The following SHISA9 variants were observed in gnomAD, a reference collection of about 807,000 sequenced individuals.
SHISA9 encodes shisa family member 9.
In SHISA9, 13 loss-of-function variants were observed where a neutral mutation model predicts 38.0. That is an observed-to-expected ratio of 0.34 (90% CI 0.22 to 0.54). The LOEUF is 0.54. Ranked by LOEUF, SHISA9 falls within the 20% of genes least tolerant of loss-of-function variation. The pLI, the probability that SHISA9 is intolerant of heterozygous loss-of-function variation, is 0.91. For missense variants in SHISA9, 538 were observed against 575.8 expected (o/e 0.93, Z 0.67); for synonymous variants, 275 against 242.0 (o/e 1.14, Z -1.27).
intron 1 of SHISA9, among the ~76,000 whole-genome samples, chr16:12,912,647 G>A (rs1445082654): frequency 1.3e-5 from 2 of 152,138 alleles, no homozygotes; most frequent in African/African-American, 2.4e-5. Context: ...TTCTTTCCCT[G>A]TAGCCCCTTT....
chr16:13,486,803 C>T, the SHISA9 span, among the ~76,000 whole-genome samples: 1 of 152,228 alleles, frequency 6.6e-6, no homozygotes, highest in African/African-American at 2.4e-5. Context: ...CTCCCAGGTT[C>T]AAGTGATTCT....
chr16:13,015,585 A>G (rs2072731837), intron 2 of SHISA9, among the ~76,000 whole-genome samples: 1 of 152,304 alleles, frequency 6.6e-6, no homozygotes, highest in South Asian at 2.1e-4. Context: ...GCTTTTGAGC[A>G]TCTGGGGTTG....
chr16:13,014,764 C>A (rs1367778926), intron 2 of SHISA9, among the ~76,000 whole-genome samples: 1 of 152,234 alleles, frequency 6.6e-6, no homozygotes, highest in African/African-American at 2.4e-5. Flanking sequence ...TTCCCCCATA[C>A]AAATGCCTTG....
chr16:13,433,312 C>G, the SHISA9 span, among the ~76,000 whole-genome samples: 4 of 152,188 alleles, frequency 2.6e-5, no homozygotes, highest in Non-Finnish European at 4.4e-5. Flanking sequence ...GTCTGCATCT[C>G]AGTTGCTCGT....
intron 2 of SHISA9, among the ~76,000 whole-genome samples, chr16:12,951,976 T>C (rs2071763755): frequency 6.6e-6 from 1 of 152,246 alleles, no homozygotes. Flanking sequence ...CATTTGAAGA[T>C]GCTACTTGGT....
At chr16:13,460,170 G>C in the SHISA9 span, among the ~76,000 whole-genome samples, 1 of 152,238 alleles carries the variant, frequency 6.6e-6, no homozygotes, top group South Asian at 2.1e-4. Context: ...TGGATTCATG[G>C]CAAATACCAG....
chr16:12,908,675 C>G (rs1340168536), intron 1 of SHISA9: 1 of 1,530,388 alleles, frequency 6.5e-7, no homozygotes, highest in African/African-American at 1.4e-5. Flanking sequence ...TACGCGATGC[C>G]CTGCAAACAA....
At chr16:13,131,904 C>T (rs2050309774) in intron 2 of SHISA9, among the ~76,000 whole-genome samples, 1 of 152,176 alleles carries the variant, frequency 6.6e-6, no homozygotes, top group Non-Finnish European at 1.5e-5. Flanking sequence ...TGGAAATAGA[C>T]GCTGATCCCG....
chr16:13,004,943 G>GAAAAAAAAAAAAAAAAAAA (rs59694628), intron 2 of SHISA9, among the ~76,000 whole-genome samples: 1 of 103,756 alleles, frequency 9.6e-6, no homozygotes, highest in Non-Finnish European at 2.0e-5. Context: ...TTAAGAAAAA[G>GAAAAAAAAAAAAAAAAAAA]AAAAAAAAAA....
At chr16:13,473,875 A>G in the SHISA9 span, among the ~76,000 whole-genome samples, 6 of 152,166 alleles carry the variant, frequency 3.9e-5, no homozygotes, top group African/African-American at 1.4e-4. Flanking sequence ...TTTGGATGCA[A>G]TGCCTGGAGA....
chr16:13,527,713 C>G, the SHISA9 span, among the ~76,000 whole-genome samples: 1 of 152,188 alleles, frequency 6.6e-6, no homozygotes, highest in African/African-American at 2.4e-5. Context: ...CAGATCTGCT[C>G]TTGGGCTCGG....
chr16:13,505,291 G>A, the SHISA9 span, among the ~76,000 whole-genome samples: 126 of 152,260 alleles, frequency 8.3e-4, 1 homozygote, highest in African/African-American at 2.9e-3. Context: ...AGCTTTTTGT[G>A]GCTCTGCCTT....
At chr16:13,095,380 CA>C (rs1181207117) in intron 2 of SHISA9, among the ~76,000 whole-genome samples, 1 of 152,134 alleles carries the variant, frequency 6.6e-6, no homozygotes. Context: ...AGAGGTTGCA[CA>C]TCTTAACAAA....
the SHISA9 span, among the ~76,000 whole-genome samples, chr16:13,399,656 G>T: frequency 6.6e-6 from 1 of 152,014 alleles, no homozygotes; most frequent in South Asian, 2.1e-4. Flanking sequence ...GGAAGCTCCT[G>T]CTTCTTCACC....
chr16:13,277,724 G>T, the SHISA9 span, among the ~76,000 whole-genome samples: 1 of 151,704 alleles, frequency 6.6e-6, no homozygotes, highest in African/African-American at 2.4e-5. Flanking sequence ...TCTCCACTTG[G>T]TCGCTGTTGG....
the SHISA9 span, among the ~76,000 whole-genome samples, chr16:13,415,815 T>TAA: frequency 1.3e-5 from 2 of 149,112 alleles, no homozygotes; most frequent in African/African-American, 4.9e-5. Context: ...CTTCTTTCGT[T>TAA]AAAAAAAAAA....
chr16:13,299,605 G>A, the SHISA9 span, among the ~76,000 whole-genome samples: 3 of 151,860 alleles, frequency 2.0e-5, no homozygotes, highest in African/African-American at 7.2e-5. Context: ...TCCCAGCTAC[G>A]TGGGAGGCTG....
chr16:13,242,876 T>G (rs1321837805), downstream of SHISA9, among the ~76,000 whole-genome samples: 1 of 152,190 alleles, frequency 6.6e-6, no homozygotes, highest in Non-Finnish European at 1.5e-5. Context: ...TAACAAATTC[T>G]GAGGATTGAG....
intron 2 of SHISA9, among the ~76,000 whole-genome samples, chr16:13,167,764 C>G (rs1567233377): frequency 6.6e-6 from 1 of 152,118 alleles, no homozygotes; most frequent in Non-Finnish European, 1.5e-5. Context: ...CCGAGGCCTC[C>G]CCAGCCATTC....
Sources: gnomAD v4.1 joint callset for allele counts (sites outside exome capture counted in the v4.1 genomes callset) on GRCh38, gnomAD v4.1.1 for gene constraint, MANE v1.5 for transcripts, NCBI Gene and HGNC (gene_info 2026-07-23, HGNC 2026-07-21) for gene names.